Variants in CSMD1 observed in about 807,000 individuals in gnomAD.
CSMD1 encodes CUB and sushi domain-containing protein 1.
CSMD1 carries 213 observed loss-of-function variants against 417.5 expected under a neutral mutation model. That is an observed-to-expected ratio of 0.51 (90% CI 0.46 to 0.57). CSMD1 has a LOEUF of 0.57. CSMD1 is among the 20% of genes least tolerant of loss of function. CSMD1 has a pLI of 0.00. For missense variants in CSMD1, 6,923 were observed against 4,529.7 expected (o/e 1.53, Z -15.17); for synonymous variants, 2,862 against 1,736.8 (o/e 1.65, Z -16.11).
At chr8:3,943,419 TC>T (rs1294902756) in intron 5 of CSMD1, among the ~76,000 whole-genome samples, 11 of 69,470 alleles carry the variant, frequency 1.6e-4, no homozygotes, top group Non-Finnish European at 2.5e-4. Flanking sequence ...TGTTTTTTTT[TC>T]ATTAAAAAAA....
chr8:4,935,639 C>T (rs962412315), intron 1 of CSMD1, among the ~76,000 whole-genome samples: 7 of 152,172 alleles, frequency 4.6e-5, no homozygotes, highest in Non-Finnish European at 1.0e-4. Context: ...GATTCACTCT[C>T]TCTCGATGAT....
At chr8:3,613,307 C>G in intron 8 of CSMD1, 1 of 418,206 alleles carries the variant, frequency 2.4e-6, no homozygotes, top group Non-Finnish European at 4.8e-6. Flanking sequence ...TTCCAGGTAG[C>G]TTCCCTGGTG....
At chr8:3,254,376 T>G (rs1054101373) in intron 26 of CSMD1, among the ~76,000 whole-genome samples, 2 of 152,058 alleles carry the variant, frequency 1.3e-5, no homozygotes, top group African/African-American at 4.8e-5. Flanking sequence ...TCTCGAGGGG[T>G]ATATTTGTGG....
intron 10 of CSMD1, among the ~76,000 whole-genome samples, chr8:3,563,661 C>T (rs761224956): frequency 5.9e-5 from 9 of 151,972 alleles, no homozygotes; most frequent in Non-Finnish European, 1.0e-4. Flanking sequence ...GAGGCTGAGG[C>T]GGGTGGATCA....
At chr8:4,648,735 G>A (rs937018035) in intron 1 of CSMD1, among the ~76,000 whole-genome samples, 55 of 152,168 alleles carry the variant, frequency 3.6e-4, no homozygotes, top group Non-Finnish European at 3.4e-4. Context: ...AATTTAGGAA[G>A]AGAATTTGTG....
intron 12 of CSMD1, among the ~76,000 whole-genome samples, chr8:3,428,817 T>C (rs533355362): frequency 1.3e-5 from 2 of 152,218 alleles, no homozygotes; most frequent in South Asian, 2.1e-4. Flanking sequence ...TGTCAATCAA[T>C]GGATGAATAA....
chr8:4,319,553 G>A (rs1033959514), intron 3 of CSMD1, among the ~76,000 whole-genome samples: 1 of 152,080 alleles, frequency 6.6e-6, no homozygotes, highest in African/African-American at 2.4e-5. Flanking sequence ...AGAAATAAAG[G>A]AAACATTAAT....
rs185378220 is a variant in CSMD1, at chr8:3,086,322, A to G, written c.7474+775T>C. Among the ~76,000 whole-genome samples the G allele has an allele frequency of 2.4e-4, 37 of 152,330 alleles. 2 individuals are homozygous for G. In the East Asian group the frequency reaches 7.1e-3, roughly 29 times the overall value. On this transcript the variant is annotated intron_variant, in intron 49 of 69. Transcript: ENST00000635120. ...ATAATACAGTAGAGGTAAAACATAA[A>G]TAATACAGGCTGTCTGATCAACTTC...
chr8:4,744,214 G>A (rs528995807), intron 1 of CSMD1, among the ~76,000 whole-genome samples: 17 of 152,172 alleles, frequency 1.1e-4, no homozygotes, highest in Admixed American at 7.9e-4. Flanking sequence ...CACCTCTGCA[G>A]GCTCGGGGGG....
rs555918229 is a variant in CSMD1, at chr8:3,101,781, T to C, written c.6950-4744A>G. Among the ~76,000 whole-genome samples, 118 of 147,532 alleles carry C rather than the reference T, an allele frequency of 8.0e-4. 1 individual carries two copies. In the Middle Eastern group the frequency reaches 0.014, roughly 18 times the overall value. On this transcript the variant is annotated intron_variant, in intron 46 of 69. Transcript: ENST00000635120. ...CTTGTTTCCCTAAAATTGGTGATAA[T>C]TTTGTTTCTTTCTTTTTCTTTTTTT...
At chr8:4,580,488 A>C (rs576331359) in intron 2 of CSMD1, among the ~76,000 whole-genome samples, 1 of 152,174 alleles carries the variant, frequency 6.6e-6, no homozygotes, top group Non-Finnish European at 1.5e-5. Context: ...AAGTTATGGA[A>C]ATTTCCTAAT....
chr8:3,806,272 A>C (rs546307487), intron 5 of CSMD1, among the ~76,000 whole-genome samples: 12 of 152,300 alleles, frequency 7.9e-5, no homozygotes, highest in Middle Eastern at 6.8e-3. Context: ...TGGAAGGCCT[A>C]GTTTTCATTC....
At chr8:3,652,555 G>T (rs1029267078) in intron 7 of CSMD1, among the ~76,000 whole-genome samples, 3 of 152,172 alleles carry the variant, frequency 2.0e-5, no homozygotes, top group Non-Finnish European at 4.4e-5. Context: ...CACAATCTTG[G>T]CAGAATGCAA....
intron 65 of CSMD1, among the ~76,000 whole-genome samples, chr8:2,952,334 T>C (rs1251304420): frequency 6.6e-6 from 1 of 152,170 alleles, no homozygotes; most frequent in Non-Finnish European, 1.5e-5. Context: ...CAAAAGTATA[T>C]TGTTCCTATA....
chr8:4,890,639 C>T (rs1378923876), intron 1 of CSMD1, among the ~76,000 whole-genome samples: 1 of 150,946 alleles, frequency 6.6e-6, no homozygotes, highest in Non-Finnish European at 1.5e-5. Flanking sequence ...CAGCCATGGG[C>T]ATCCTGGGCA....
At chr8:4,448,703 G>T (rs1798959192) in intron 2 of CSMD1, among the ~76,000 whole-genome samples, 1 of 152,028 alleles carries the variant, frequency 6.6e-6, no homozygotes. Context: ...ATCTTTTTTG[G>T]CATTGCCCAT....
At chr8:4,245,357 G>T (rs895723112) in intron 3 of CSMD1, among the ~76,000 whole-genome samples, 1 of 152,154 alleles carries the variant, frequency 6.6e-6, no homozygotes. Flanking sequence ...TGGGAGGAAA[G>T]ATTGCAAGTA....
chr8:3,470,841 T>A (rs1453814504), intron 11 of CSMD1, among the ~76,000 whole-genome samples: 1 of 152,220 alleles, frequency 6.6e-6, no homozygotes, highest in African/African-American at 2.4e-5. Flanking sequence ...AGTTGTTGTT[T>A]ATACCAATAG....
In CSMD1 at chr8:3,190,106, C is replaced by T. The variant is rs992855692; in HGVS notation, c.5204G>A (p.Arg1735His). Residue 1735 changes from arginine to histidine, a missense_variant, in exon 34 of 70, where the codon CGT (arginine) becomes CAT (histidine). Physicochemically the swap from Arg to His is conservative, Grantham distance 29. Coordinates refer to ENST00000635120, the MANE Select transcript of CSMD1 (RefSeq NM_033225.6). ...GFHFVYQAVP[R>H]TSDTQCSSVP... is the part of the protein sequence containing the mutation. ...AGAGCTGCATTGGGTGTCACTGGTA[C>T]GAGGAACAGCTAGAAGCAAAGTACA... The T allele has an allele frequency of 5.7e-6, 9 of 1,586,042 alleles. No homozygotes were observed. The highest frequency in any genetic ancestry group is 7.7e-6 in the Non-Finnish European group (9 of 1,166,184).
Sources: allele counts gnomAD v4.1 joint callset (sites outside exome capture counted in the v4.1 genomes callset), GRCh38; gene constraint gnomAD v4.1.1; transcripts MANE v1.5; gene names NCBI Gene and HGNC (gene_info 2026-07-23, HGNC 2026-07-21).